Variants in HECTD4 observed in about 807,000 individuals in gnomAD.
The protein encoded by HECTD4 is probable E3 ubiquitin-protein ligase HECTD4.
In HECTD4, 114 loss-of-function variants were observed where a neutral mutation model predicts 471.5. The ratio of observed to expected loss-of-function variants is 0.24; its 90% CI spans 0.21 to 0.28. The LOEUF is 0.28. HECTD4 is among the 10% of genes least tolerant of loss of function. HECTD4 has a pLI of 1.00. For synonymous variants in HECTD4, 2,012 were observed against 2,256.0 expected (o/e 0.89, Z 3.07); for missense variants, 3,866 against 5,651.5 (o/e 0.68, Z 10.13).
Position 112,381,842 on chromosome 12 carries a change from G to A in HECTD4, c.177+110C>T. The A allele has an allele frequency of 1.3e-6, 1 of 768,164 alleles. No homozygotes were observed. Among genetic ancestry groups the A allele is most frequent in the Non-Finnish European group, 1.7e-6 (1 of 573,030 alleles). 47.6% of individuals were successfully genotyped at this position (768,164 alleles called of 1,614,324 possible). A position where few individuals can be genotyped will look rare whatever the true frequency, so the allele number is the denominator to read the frequency against. On this transcript the variant is annotated intron_variant, in intron 1 of 75. Coordinates refer to ENST00000682272, the MANE Select transcript of HECTD4 (RefSeq NM_001388303.1). The surrounding 1 kb of genome is among the most constrained non-coding windows in gnomAD (Gnocchi z 4.1). ...CCCCGCGCCCACACACACCTGCCCC[G>A]GCAGCCGCCGGGAGGCGAGGCCGCG...
chr12:112,169,628 A>G lies in HECTD4; in HGVS notation c.12083T>C (p.Phe4028Ser). 1 of 1,613,484 alleles carries G rather than the reference A, an allele frequency of 6.2e-7. No homozygotes were observed. Among genetic ancestry groups the G allele is most frequent in the Non-Finnish European group, 8.5e-7 (1 of 1,179,882 alleles). ...GGCCAGCTGCCTGGCAGCCTGACAG[A>G]AGTAGGAGTTTTCAGAAGCTCTGAT... ...GEIRASENSY[F>S]CQAARQLASV... is the part of the protein sequence containing the mutation. Residue 4028 changes from phenylalanine to serine, a missense_variant, in exon 70 of 76, where the codon TTC becomes TCC. Coordinates refer to ENST00000682272, the MANE Select transcript of HECTD4 (RefSeq NM_001388303.1).
At chr12:112,330,462 C>T (rs758931842) in intron 1 of HECTD4, among the ~76,000 whole-genome samples, 8 of 152,138 alleles carry the variant, frequency 5.3e-5, no homozygotes, top group South Asian at 2.1e-4. Flanking sequence ...TCACCAAATG[C>T]TTGGCATAAA....
chr12:112,343,120 C>T (rs1038409762), intron 1 of HECTD4, among the ~76,000 whole-genome samples: 2 of 152,114 alleles, frequency 1.3e-5, no homozygotes, highest in Non-Finnish European at 2.9e-5. Flanking sequence ...AAAGACATGT[C>T]AAATCTTTTT....
chr12:112,275,480 C>G (rs1023285072), intron 9 of HECTD4, among the ~76,000 whole-genome samples: 3 of 152,134 alleles, frequency 2.0e-5, no homozygotes, highest in Non-Finnish European at 4.4e-5. Context: ...AATTCCAGCT[C>G]TAAAACTTTT....
chr12:112,269,063 C>T (rs946810813), intron 13 of HECTD4, among the ~76,000 whole-genome samples: 1 of 151,168 alleles, frequency 6.6e-6, no homozygotes, highest in Non-Finnish European at 1.5e-5. Context: ...TTAGTAGAGA[C>T]GGGGTTTCAC....
At chr12:112,356,380 C>T (rs2036338254) in intron 1 of HECTD4, among the ~76,000 whole-genome samples, 1 of 152,130 alleles carries the variant, frequency 6.6e-6, no homozygotes, top group Admixed American at 6.5e-5. Context: ...CCAGTAACTT[C>T]TCATTAGATC....
At chr12:112,206,997 T>A (rs1178752106) in intron 52 of HECTD4, among the ~76,000 whole-genome samples, 1 of 152,176 alleles carries the variant, frequency 6.6e-6, no homozygotes, top group Admixed American at 6.6e-5. Context: ...AGTGTTAGAA[T>A]AAACAAGAAA....
chr12:112,363,321 C>T (rs992980451), intron 1 of HECTD4, among the ~76,000 whole-genome samples: 2 of 151,712 alleles, frequency 1.3e-5, no homozygotes, highest in Non-Finnish European at 2.9e-5. Context: ...GTTGCCCAGG[C>T]TGGTCTCCTG....
intron 22 of HECTD4, among the ~76,000 whole-genome samples, 198 bp downstream of exon 22, chr12:112,253,845 C>G (rs1335147693): frequency 6.6e-6 from 1 of 152,154 alleles, no homozygotes; most frequent in Non-Finnish European, 1.5e-5. Flanking sequence ...AGGGAGTGAA[C>G]AGGGGTCTGA....
At chr12:112,305,499 C>T (rs532543028) in intron 7 of HECTD4, among the ~76,000 whole-genome samples, 2 of 152,104 alleles carry the variant, frequency 1.3e-5, no homozygotes, top group Non-Finnish European at 2.9e-5. Context: ...TTATCTCGTG[C>T]GCTTATTTGC....
intron 9 of HECTD4, among the ~76,000 whole-genome samples, chr12:112,278,464 G>A (rs2135633976): frequency 6.6e-6 from 1 of 152,258 alleles, no homozygotes; most frequent in East Asian, 1.9e-4. Flanking sequence ...ACTACAGTGT[G>A]CCTCCTTATA....
chr12:112,260,579 AT>A (rs1170545268), intron 18 of HECTD4, among the ~76,000 whole-genome samples: 299 of 143,840 alleles, frequency 2.1e-3, no homozygotes, highest in Admixed American at 2.4e-3. Context: ...CCAGAGCAGA[AT>A]TTTTTTTTTT....
chr12:112,331,622 A>G (rs2035845258), intron 1 of HECTD4, among the ~76,000 whole-genome samples: 1 of 152,228 alleles, frequency 6.6e-6, no homozygotes, highest in Non-Finnish European at 1.5e-5. Context: ...TGAAATTGCT[A>G]AATAATTGTT....
In HECTD4 at chr12:112,313,005, C is replaced by G; in HGVS notation, c.916+12G>C. 1 of 1,534,148 alleles carries G rather than the reference C, an allele frequency of 6.5e-7. No homozygotes were observed. ...CTTACTATTAATCACAGGACAAAAA[C>G]TTTTACATTACCTTTATTTTCAGAA... On this transcript the variant is annotated intron_variant, in intron 4 of 75. Transcript: ENST00000682272.
rs578174831 is a variant in HECTD4, at chr12:112,186,911, G to A, written c.9473-1418C>T. Reference sequence around the variant, plus strand: ...TTGAACTTCTGGCCTCAAGTGGTCCGTGTGCCTCAGCCTCCCAAAGTGCTG... The same window carrying A: ...TTGAACTTCTGGCCTCAAGTGGTCCATGTGCCTCAGCCTCCCAAAGTGCTG... On this transcript the variant is annotated intron_variant, in intron 60 of 75. Transcript: ENST00000682272. Among the ~76,000 whole-genome samples the A allele has an allele frequency of 2.0e-5, 3 of 151,882 alleles. No homozygotes were observed. The South Asian group carries it at 6.3e-4, about 32-fold the overall frequency.
At chr12:112,187,409 T>G (rs184317711) in intron 60 of HECTD4, among the ~76,000 whole-genome samples, 9 of 152,062 alleles carry the variant, frequency 5.9e-5, no homozygotes, top group Admixed American at 5.9e-4. Flanking sequence ...ATAGATGGAC[T>G]GATTGATTGA....
Position 112,213,722 on chromosome 12 carries a change from T to TA in HECTD4, c.7466-1073dup, listed in dbSNP as rs1157463172. Among the ~76,000 whole-genome samples, 118 of 135,158 alleles carry TA rather than the reference T, an allele frequency of 8.7e-4. No individual in the cohort carries two copies. The highest frequency in any genetic ancestry group is 1.9e-3 in the Admixed American group (26 of 13,342). 88.7% of individuals were successfully genotyped at this position (135,158 alleles called of 152,430 possible). A position where few individuals can be genotyped will look rare whatever the true frequency, so the allele number is the denominator to read the frequency against. ...TACATATATATATATATATATATAA[T>TA]ATATATATAAAATTTAAGGCCAGAC... is the stretch of plus-strand genomic sequence containing the variant. On this transcript the variant is annotated intron_variant, in intron 48 of 75. Transcript: ENST00000682272. The surrounding 1 kb of genome is among the most constrained non-coding windows in gnomAD (Gnocchi z 4.0).
chr12:112,204,694 T>G, intron 52 of HECTD4, 71 bp from the exon 53 acceptor site: 1 of 1,184,256 alleles, frequency 8.4e-7, no homozygotes, highest in Non-Finnish European at 1.2e-6. Flanking sequence ...CTGACTTACA[T>G]GTAGAGTGAA....
chr12:112,172,459 G>A (rs1174438119), intron 67 of HECTD4, among the ~76,000 whole-genome samples: 1 of 152,184 alleles, frequency 6.6e-6, no homozygotes, highest in Non-Finnish European at 1.5e-5. Context: ...CATTAAAAAA[G>A]GCCCCAGACT....
Sources: allele counts gnomAD v4.1 joint callset (sites outside exome capture counted in the v4.1 genomes callset), GRCh38; gene constraint gnomAD v4.1.1; non-coding constraint Gnocchi (gnomAD v3.1); transcripts MANE v1.5; gene names NCBI Gene and HGNC (gene_info 2026-07-23, HGNC 2026-07-21).